Variants in PTK7 observed in about 807,000 individuals in gnomAD.
PTK7 encodes protein tyrosine kinase 7 (inactive).
A neutral mutation model predicts 116.6 loss-of-function variants in PTK7; 39 were observed. That is an observed-to-expected ratio of 0.33 (90% CI 0.26 to 0.44). PTK7 has a LOEUF of 0.44. PTK7 is among the 20% of genes least tolerant of loss of function. PTK7 has a pLI of 1.00. For missense variants in PTK7, 1,169 were observed against 1,425.6 expected, an observed-to-expected ratio of 0.82 and a Z score of 2.90; for synonymous variants, 546 against 563.6, an observed-to-expected ratio of 0.97 and a Z score of 0.44.
chr6:43,116,867 A>G (rs929063677), intron 1 of PTK7, among the ~76,000 whole-genome samples: 1 of 152,120 alleles, frequency 6.6e-6, no homozygotes, highest in Non-Finnish European at 1.5e-5. Flanking sequence ...TGTATCGCCC[A>G]GGCTGGAGTG....
chr6:43,098,411 A>G (rs561058716), intron 1 of PTK7, among the ~76,000 whole-genome samples: 1 of 149,114 alleles, frequency 6.7e-6, no homozygotes, highest in South Asian at 2.1e-4. Flanking sequence ...GCTGGAGTGT[A>G]GTGGTGCAAT....
At chr6:43,155,090 C>G (rs553004339) in intron 17 of PTK7, among the ~76,000 whole-genome samples, 191 of 152,322 alleles carry the variant, frequency 1.3e-3, no homozygotes, top group African/African-American at 4.4e-3. Context: ...TTATTTGCAC[C>G]AAGTAACCTG....
intron 1 of PTK7, among the ~76,000 whole-genome samples, chr6:43,088,690 AAAATAAAT>A (rs57382055): frequency 0.025 from 3,698 of 149,214 alleles, 61 homozygotes; most frequent in South Asian, 0.035. Context: ...ACGCCATCTC[AAAATAAAT>A]AAATAAATAA....
chr6:43,097,330 G>T (rs111916765), intron 1 of PTK7, among the ~76,000 whole-genome samples: 6 of 152,262 alleles, frequency 3.9e-5, no homozygotes, highest in African/African-American at 1.4e-4. Context: ...CTTCAGGTTT[G>T]TTTCAGAGGG....
Position 43,160,798 on chromosome 6 carries a change from T to G in PTK7, c.3130T>G (p.Trp1044Gly), listed in dbSNP as rs747013126. The G allele has an allele frequency of 6.2e-7, 1 of 1,614,066 alleles. No individual in the cohort carries two copies. Among genetic ancestry groups the G allele is most frequent in the Admixed American group, 1.7e-5 (1 of 60,002 alleles). The change falls in exon 20 of 20, where the codon TGG (tryptophan) becomes GGG (glycine). Residue 1044 changes from tryptophan (W) to glycine (G), a missense_variant. Trp to Gly is a radical substitution (Grantham distance 184). This residue lies in a region of PTK7 where 678 missense variants were observed against 853.8 expected (regional missense o/e 0.79). Transcript: ENST00000230419. The stretch of plus-strand genomic sequence containing the variant: ...ACTCTATCGGCTGATGCAGCGCTGC[T>G]GGGCCCTCAGCCCCAAGGACCGGCC... Reference protein sequence around the residue: ...SKLYRLMQRCWALSPKDRPSF... With the variant: ...SKLYRLMQRCGALSPKDRPSF...
Position 43,118,041 on chromosome 6 carries a change from T to A in PTK7, c.80-10936T>A, listed in dbSNP as rs931434426. On this transcript the variant is annotated intron_variant, in intron 1 of 19. Coordinates refer to ENST00000230419, the MANE Select transcript of PTK7 (RefSeq NM_002821.5). ...AAAGGCAGTGTGTCTGTGCACAGGA[T>A]CTAGCAAGAAGTGGGCAGTCAGAGG... Among the ~76,000 whole-genome samples the A allele has an allele frequency of 4.0e-5, 6 of 150,418 alleles. No homozygotes were observed. The South Asian group carries it at 1.3e-3, about 32-fold the overall frequency.
chr6:43,132,569 C>T lies in PTK7; in HGVS notation c.1110C>T (p.Tyr370=), dbSNP rs772741245. The part of the protein sequence containing the change: ...GVRLPTHGRV[Y]QKGHELVLAN... ...GGCTGCCCACCCATGGCAGGGTCTACCAGAAGGGCCACGAGCTGGTGTTGG... is the reference window on the plus strand; with the variant it reads ...GGCTGCCCACCCATGGCAGGGTCTATCAGAAGGGCCACGAGCTGGTGTTGG... Residue 370 remains tyrosine, a synonymous_variant, in exon 7 of 20, where the codon TAC becomes TAT. Transcript: ENST00000230419. The T allele has an allele frequency of 4.3e-6, 7 of 1,613,342 alleles. No individual in the cohort carries two copies. The highest frequency in any genetic ancestry group is 3.3e-4 in the Middle Eastern group (2 of 6,060).
intron 1 of PTK7, 143 bp from the exon 2 acceptor site, chr6:43,128,834 G>A: frequency 1.3e-6 from 1 of 742,674 alleles, no homozygotes; most frequent in Non-Finnish European, 2.1e-6. Flanking sequence ...TCTTGCAATT[G>A]TGGCATCATG....
chr6:43,154,323 C>T (rs1442668407), intron 17 of PTK7, among the ~76,000 whole-genome samples: 1 of 151,542 alleles, frequency 6.6e-6, no homozygotes, highest in Non-Finnish European at 1.5e-5. Flanking sequence ...GCAACAGGCA[C>T]CCTGTCTCAA....
chr6:43,134,134 G>T (rs756810111), intron 7 of PTK7, among the ~76,000 whole-genome samples: 3 of 152,254 alleles, frequency 2.0e-5, no homozygotes, highest in Non-Finnish European at 2.9e-5. Context: ...CGCCTCCCAG[G>T]TTCAAGTGAT....
At chr6:43,082,589 C>A (rs1296458145) in intron 1 of PTK7, among the ~76,000 whole-genome samples, 1 of 152,188 alleles carries the variant, frequency 6.6e-6, no homozygotes, top group Non-Finnish European at 1.5e-5. Flanking sequence ...TTTCCTGTTG[C>A]AACAGTATAA....
At position 43,145,246 on chromosome 6, in the gene PTK7, G is replaced by A; in HGVS notation, c.2454G>A (p.Leu818=). The A allele has an allele frequency of 6.2e-7, 1 of 1,613,686 alleles. No homozygotes were observed. Among genetic ancestry groups the A allele is most frequent in the Non-Finnish European group, 8.5e-7 (1 of 1,179,684 alleles). The change falls in exon 16 of 20, where the codon TTG becomes TTA. Residue 818 remains leucine (L), a synonymous_variant. Transcript: ENST00000230419. This position sits in a 1 kb window ranked among gnomAD's most constrained non-coding sequence, Gnocchi z 4.8. The part of the protein sequence containing the change: ...GEVFLAKAQG[L]EEGVAETLVL... ...TGTTCCTGGCAAAGGCTCAGGGCTT[G>A]GAGGAGGGAGTGGCAGAGACCCTGG... is the stretch of plus-strand genomic sequence containing the variant.
intron 1 of PTK7, among the ~76,000 whole-genome samples, chr6:43,087,019 CTT>C (rs1175819978): frequency 1.3e-5 from 2 of 152,222 alleles, no homozygotes; most frequent in Admixed American, 6.5e-5. Flanking sequence ...AGCTGTGGCT[CTT>C]TGTTTCCCAG....
chr6:43,142,625 T>G (rs923312339), intron 13 of PTK7: 26 of 424,490 alleles, frequency 6.1e-5, no homozygotes, highest in African/African-American at 4.7e-4. Context: ...CAGGTCAGAA[T>G]GCAGTAGGAC....
intron 17 of PTK7, among the ~76,000 whole-genome samples, chr6:43,147,203 G>A (rs1770776375): frequency 6.6e-6 from 1 of 152,264 alleles, no homozygotes; most frequent in Admixed American, 6.5e-5. Flanking sequence ...CCCTTGGGCT[G>A]TAGCTGCCCA....
intron 1 of PTK7, chr6:43,077,107 C>T (rs1464454831): frequency 8.8e-6 from 10 of 1,141,238 alleles, no homozygotes; most frequent in Non-Finnish European, 1.0e-5. Flanking sequence ...CTGGGCAAAG[C>T]TGAGACCCCA....
At position 43,080,330 on chromosome 6, in the gene PTK7, T is replaced by C. The variant is rs558924431; in HGVS notation, c.79+3763T>C. ...TTGCACCACTGCACTCCAGCCTGGGTGTCAGAGCGAGACTCTGTCTCAAAA... is the reference window on the plus strand; with the variant it reads ...TTGCACCACTGCACTCCAGCCTGGGCGTCAGAGCGAGACTCTGTCTCAAAA... On this transcript the variant is annotated intron_variant, in intron 1 of 19. Coordinates refer to ENST00000230419, the MANE Select transcript of PTK7 (RefSeq NM_002821.5). 5.3e-5 allele frequency among the ~76,000 whole-genome samples: 8 copies of C among 152,238 alleles called. No homozygotes were observed. The South Asian group carries it at 1.2e-3, about 24-fold the overall frequency.
At chr6:43,131,725 T>TGA (rs1213547091) in intron 5 of PTK7, 2 of 439,168 alleles carry the variant, frequency 4.6e-6, no homozygotes, top group East Asian at 9.9e-5. Flanking sequence ...AGATGAGATT[T>TGA]GAGTGGGGAC....
intron 1 of PTK7, among the ~76,000 whole-genome samples, chr6:43,090,784 T>C (rs183868610): frequency 5.3e-5 from 8 of 152,324 alleles, no homozygotes; most frequent in Admixed American, 2.6e-4. Flanking sequence ...TCCCAGGACC[T>C]GAAAGGCTCG....
Sources: allele counts gnomAD v4.1 joint callset (sites outside exome capture counted in the v4.1 genomes callset), GRCh38; gene constraint gnomAD v4.1.1; regional missense constraint gnomAD v4.1.1; non-coding constraint Gnocchi (gnomAD v3.1); transcripts MANE v1.5; gene names NCBI Gene and HGNC (gene_info 2026-07-23, HGNC 2026-07-21).